Variants in NSDHL observed in about 807,000 individuals in gnomAD.
NSDHL encodes the protein sterol-4-alpha-carboxylate 3-dehydrogenase, decarboxylating.
In NSDHL, 1 loss-of-function variant was observed where a neutral mutation model predicts 23.0. That is an observed-to-expected ratio of 0.04 (90% CI 0.02 to 0.21). The LOEUF (loss-of-function observed/expected upper bound fraction) is 0.21, where lower values mean the gene tolerates loss of function less well. NSDHL is among the 10% of genes least tolerant of loss of function. NSDHL has a pLI of 1.00. For missense variants in NSDHL, 237 were observed against 300.9 expected (o/e 0.79, Z 1.57); for synonymous variants, 128 against 121.1 (o/e 1.06, Z -0.37).
intron 3 of NSDHL, among the ~76,000 whole-genome samples, chrX:152,851,273 G>A: frequency 8.9e-6 from 1 of 112,182 alleles, no homozygotes; most frequent in Middle Eastern, 4.6e-3. Context: ...CTTCACTGAT[G>A]TTCAGAGTCA....
chrX:152,866,068 C>T, intron 6 of NSDHL, 107 bp downstream of exon 6: 2 of 902,743 alleles, frequency 2.2e-6, no homozygotes, highest in East Asian at 6.2e-5. Context: ...TCTTATGTGA[C>T]TGTCTTGGTC....
intron 7 of NSDHL, 136 bp downstream of exon 7, chrX:152,867,809 C>A (rs1602943775): frequency 1.9e-6 from 1 of 527,095 alleles, no homozygotes; most frequent in South Asian, 2.6e-5. Context: ...GTGCCAAGAT[C>A]AAGCCCCTCT....
In NSDHL at chrX:152,840,179, G is replaced by C. The variant is rs185268918; in HGVS notation, c.-43-6103G>C. Among the ~76,000 whole-genome samples, 353 of 112,108 alleles carry C rather than the reference G, an allele frequency of 3.1e-3. 7 individuals carry two copies. The highest frequency in any genetic ancestry group is 0.011 in the African/African-American group (343 of 30,860). On this transcript the variant is annotated intron_variant, in intron 1 of 7. Transcript: ENST00000370274. ...GGGCATTTAAGGTCTTCTCTACACT[G>C]TTTATTCTAGTTAGTCATTCATCTA...
Position 152,868,758 on chromosome X carries a change from A to G in NSDHL, c.790-26A>G, listed in dbSNP as rs1026101845. 7.6e-6 allele frequency: 9 copies of G among 1,182,238 alleles called. No homozygotes were observed. The African/African-American group carries it at 1.2e-4, about 16-fold the overall frequency. ...TGGGCAGGTGGGGGTGGTGTTTCTA[A>G]CTTCTTGTTCTTGTTCTCCCGCCAG... On this transcript the variant is annotated intron_variant, in intron 7 of 7. Coordinates refer to ENST00000370274, the MANE Select transcript of NSDHL (RefSeq NM_015922.3).
At chrX:152,861,646 A>G (rs1933530335) in intron 4 of NSDHL, among the ~76,000 whole-genome samples, 1 of 112,464 alleles carries the variant, frequency 8.9e-6, no homozygotes, top group Non-Finnish European at 1.9e-5. Context: ...TAAATATGGG[A>G]TATGTTTCTG....
intron 5 of NSDHL, among the ~76,000 whole-genome samples, chrX:152,864,853 T>G (rs1184773483): frequency 1.8e-5 from 2 of 111,569 alleles, no homozygotes; most frequent in African/African-American, 3.3e-5. Context: ...GCTTTTCCAT[T>G]GTTGAGTTGC....
chrX:152,845,229 C>T (rs782602730), intron 1 of NSDHL, among the ~76,000 whole-genome samples: 2 of 111,878 alleles, frequency 1.8e-5, no homozygotes, highest in South Asian at 3.8e-4. Flanking sequence ...CATGCCCATT[C>T]GTTAAAAGTG....
chrX:152,857,234 A>G (rs1398256996), intron 3 of NSDHL, among the ~76,000 whole-genome samples: 1 of 112,555 alleles, frequency 8.9e-6, no homozygotes, highest in African/African-American at 3.2e-5. Flanking sequence ...GGCAAGGACT[A>G]TCAATAAATG....
intron 1 of NSDHL, among the ~76,000 whole-genome samples, chrX:152,832,653 G>A (rs1196875889): frequency 9.0e-6 from 1 of 111,672 alleles, no homozygotes; most frequent in Non-Finnish European, 1.9e-5. Flanking sequence ...TTCCCAGTCC[G>A]TCAACCTGCA....
intron 7 of NSDHL, among the ~76,000 whole-genome samples, chrX:152,868,433 C>T (rs782229226): frequency 8.0e-5 from 9 of 111,810 alleles, no homozygotes; most frequent in Admixed American, 2.8e-4. Flanking sequence ...GCGCCTGGCC[C>T]GGGTGTGGCT....
At chrX:152,843,082 T>G in intron 1 of NSDHL, among the ~76,000 whole-genome samples, 1 of 112,030 alleles carries the variant, frequency 8.9e-6, no homozygotes, top group East Asian at 2.8e-4. Flanking sequence ...GGTATATAAT[T>G]TGAGACAAAG....
chrX:152,836,173 TTTAAG>T (rs1231449368), intron 1 of NSDHL, among the ~76,000 whole-genome samples: 1 of 112,454 alleles, frequency 8.9e-6, no homozygotes, highest in African/African-American at 3.2e-5. Context: ...TGTAAATTTG[TTTAAG>T]TTCTTTGTAG....
chrX:152,858,423 C>A (rs1200524642), intron 3 of NSDHL, among the ~76,000 whole-genome samples: 1 of 111,998 alleles, frequency 8.9e-6, no homozygotes, highest in Non-Finnish European at 1.9e-5. Context: ...TCATGTGATT[C>A]ATAATTTCTA....
intron 1 of NSDHL, among the ~76,000 whole-genome samples, chrX:152,836,636 C>T (rs141257285): frequency 1.6e-4 from 18 of 111,360 alleles, no homozygotes; most frequent in East Asian, 8.5e-4. Flanking sequence ...TATTTCTGAG[C>T]GCTCTGTTTT....
chrX:152,861,905 T>C (rs1486823527), intron 4 of NSDHL, among the ~76,000 whole-genome samples: 1 of 112,020 alleles, frequency 8.9e-6, no homozygotes. Flanking sequence ...TTTTCTCTCA[T>C]CTGTAAGCGA....
chrX:152,839,474 G>A (rs1044242917), intron 1 of NSDHL, among the ~76,000 whole-genome samples: 106 of 112,195 alleles, frequency 9.4e-4, no homozygotes, highest in African/African-American at 3.2e-3. Flanking sequence ...TCCTTCAGGA[G>A]CTCTTATAAG....
At position 152,864,410 on chromosome X, in the gene NSDHL, G is replaced by A. The variant is rs1933575595; in HGVS notation, c.544-1409G>A. ...AAAGCCTCCCTGCGCCTTGCAGGCA[G>A]TTCAGTCACCATGGAGACCCTGTGT... On this transcript the variant is annotated intron_variant, in intron 5 of 7. Transcript: ENST00000370274. Among the ~76,000 whole-genome samples the A allele has an allele frequency of 4.4e-5, 5 of 112,381 alleles. No individual in the cohort carries two copies. The South Asian group carries it at 1.5e-3, about 33-fold the overall frequency.
At chrX:152,854,474 A>G (rs1933408406) in intron 3 of NSDHL, among the ~76,000 whole-genome samples, 1 of 109,144 alleles carries the variant, frequency 9.2e-6, no homozygotes, top group Non-Finnish European at 1.9e-5. Context: ...CTGTGGCACA[A>G]TCTAAGCTCA....
chrX:152,850,714 A>G (rs1351461128), intron 3 of NSDHL, among the ~76,000 whole-genome samples: 6 of 112,496 alleles, frequency 5.3e-5, no homozygotes, highest in African/African-American at 1.9e-4. Context: ...AAAGCCGTCC[A>G]TGGGCTGTAT....
Sources: allele counts gnomAD v4.1 joint callset (sites outside exome capture counted in the v4.1 genomes callset), GRCh38; gene constraint gnomAD v4.1.1; transcripts MANE v1.5; gene names NCBI Gene and HGNC (gene_info 2026-07-23, HGNC 2026-07-21).